Variants in CCDC148 observed in about 807,000 individuals in gnomAD.
CCDC148 encodes the protein coiled-coil domain containing 148.
Under a neutral mutation model 85.7 loss-of-function variants are expected in CCDC148, and 89 were observed. That is an observed-to-expected ratio of 1.04 (90% CI 0.87 to 1.24). The LOEUF (loss-of-function observed/expected upper bound fraction) is 1.24, where lower values mean the gene tolerates loss of function less well. Among genes scored for constraint, CCDC148 ranks in the 50% most tolerant of loss-of-function variants. CCDC148 has a pLI of 0.00. For synonymous variants in CCDC148, 230 were observed against 213.9 expected, an observed-to-expected ratio of 1.08 and a Z score of -0.66; for missense variants, 692 against 671.7, an observed-to-expected ratio of 1.03 and a Z score of -0.33.
At chr2:158,277,326 T>A (rs1030347619) in intron 9 of CCDC148, among the ~76,000 whole-genome samples, 11 of 152,194 alleles carry the variant, frequency 7.2e-5, no homozygotes, top group African/African-American at 2.7e-4. Flanking sequence ...TTGGCCTACA[T>A]TTCCTTGAGG....
chr2:158,271,646 T>A (rs1333188054), intron 9 of CCDC148, among the ~76,000 whole-genome samples: 2 of 152,192 alleles, frequency 1.3e-5, no homozygotes, highest in Non-Finnish European at 2.9e-5. Context: ...ATTGTCTTAT[T>A]ATTATTCTTG....
chr2:158,315,876 G>A (rs1332656390), intron 7 of CCDC148, among the ~76,000 whole-genome samples: 1 of 152,188 alleles, frequency 6.6e-6, no homozygotes, highest in Non-Finnish European at 1.5e-5. Flanking sequence ...CTCCAGAGAG[G>A]ATCAACTCTA....
chr2:158,307,777 G>A (rs747895129), intron 9 of CCDC148, among the ~76,000 whole-genome samples: 38 of 152,124 alleles, frequency 2.5e-4, no homozygotes, highest in Non-Finnish European at 4.7e-4. Flanking sequence ...AAGTACAAAG[G>A]ACTATATACT....
chr2:158,393,365 G>C (rs1342641310), intron 1 of CCDC148: 1 of 152,170 alleles, frequency 6.6e-6, no homozygotes, highest in Non-Finnish European at 1.5e-5. Context: ...GAGCACAAAA[G>C]GCAGATAGCC....
At chr2:158,441,244 TC>T (rs1459007255) in intron 1 of CCDC148, among the ~76,000 whole-genome samples, 3 of 152,124 alleles carry the variant, frequency 2.0e-5, no homozygotes, top group Admixed American at 6.6e-5. Context: ...TAGAGAGATT[TC>T]AACATCTCTT....
At chr2:158,451,521 T>C (rs1391278288) in intron 1 of CCDC148, among the ~76,000 whole-genome samples, 1 of 152,178 alleles carries the variant, frequency 6.6e-6, no homozygotes, top group East Asian at 1.9e-4. Flanking sequence ...ATTCCTAAAA[T>C]GTATAATAGA....
At chr2:158,318,023 T>C (rs1239224708) in intron 7 of CCDC148, among the ~76,000 whole-genome samples, 1 of 152,200 alleles carries the variant, frequency 6.6e-6, no homozygotes, top group Non-Finnish European at 1.5e-5. Flanking sequence ...TCTGGCTGCA[T>C]CGGGTCTGAC....
At chr2:158,403,177 A>AT (rs539306834) in intron 1 of CCDC148, among the ~76,000 whole-genome samples, 5 of 151,844 alleles carry the variant, frequency 3.3e-5, no homozygotes, top group Admixed American at 2.6e-4. Context: ...TACAACAAAT[A>AT]TTTTTTTCTT....
At position 158,355,941 on chromosome 2, in the gene CCDC148, C is replaced by G. The variant is rs1002111083; in HGVS notation, c.147+2508G>C. On this transcript the variant is annotated intron_variant, in intron 2 of 13. Transcript: ENST00000283233. The stretch of plus-strand genomic sequence containing the variant: ...AATAACGCCGCATATCTACAACTAT[C>G]TGATCTTTGACAAGCCTGAGAAAAA... 7.1e-3 allele frequency among the ~76,000 whole-genome samples: 952 copies of G among 134,166 alleles called. 89 individuals carry two copies. Among genetic ancestry groups the G allele is most frequent in the African/African-American group, 0.031 (901 of 29,538 alleles). 88.0% of individuals were successfully genotyped at this position (134,166 alleles called of 152,430 possible). A position where few individuals can be genotyped will look rare whatever the true frequency, so the allele number is the denominator to read the frequency against.
intron 9 of CCDC148, among the ~76,000 whole-genome samples, chr2:158,262,316 C>T (rs978302411): frequency 4.0e-5 from 6 of 151,846 alleles, no homozygotes; most frequent in South Asian, 4.2e-4. Context: ...GATGAGAACT[C>T]GTGAACACAA....
chr2:158,293,963 TCCCTCCCTCCCCCCCC>T lies in CCDC148; in HGVS notation c.1110+15454_1110+15469del, dbSNP rs150724176. On this transcript the variant is annotated intron_variant, in intron 9 of 13. Transcript: ENST00000283233. ...CTGCCTTCCTTCCCCTCTCCCTCCCTCCCTCCCTCCCCCCCCCCCTCCCTCCCTCCCTCCCTCCCTC... is the reference window on the plus strand; with the variant it reads ...CTGCCTTCCTTCCCCTCTCCCTCCCTCCCTCCCTCCCTCCCTCCCTCCCTC... Among the ~76,000 whole-genome samples the T allele has an allele frequency of 3.2e-3, 73 of 23,164 alleles. 4 individuals are homozygous for T. Among genetic ancestry groups the T allele is most frequent in the South Asian group, 9.9e-3 (3 of 304 alleles). The allele number at this position is 23,164 out of a possible 152,430, so 15.2% of individuals were successfully genotyped here.
intron 11 of CCDC148, among the ~76,000 whole-genome samples, chr2:158,189,380 C>T (rs1685311975): frequency 6.6e-6 from 1 of 151,822 alleles, no homozygotes; most frequent in Non-Finnish European, 1.5e-5. Context: ...GTCTTTTTGT[C>T]CTCTATAACA....
chr2:158,391,121 T>C (rs1240815608), intron 1 of CCDC148, among the ~76,000 whole-genome samples: 1 of 152,154 alleles, frequency 6.6e-6, no homozygotes, highest in East Asian at 1.9e-4. Flanking sequence ...GCTACAACAG[T>C]GAGTGAAAGG....
intron 1 of CCDC148, among the ~76,000 whole-genome samples, chr2:158,395,371 T>C (rs565664434): frequency 6.6e-6 from 1 of 152,220 alleles, no homozygotes; most frequent in East Asian, 1.9e-4. Flanking sequence ...TCCAGGGAAA[T>C]TCCTATTATC....
chr2:158,357,251 C>CA (rs754084816), intron 2 of CCDC148, among the ~76,000 whole-genome samples: 47 of 137,286 alleles, frequency 3.4e-4, no homozygotes, highest in Middle Eastern at 7.5e-3. Flanking sequence ...AAAAAGAAGA[C>CA]AAAAAAAAAT....
intron 1 of CCDC148, among the ~76,000 whole-genome samples, chr2:158,363,503 G>C (rs189856455): frequency 6.6e-6 from 1 of 152,158 alleles, no homozygotes; most frequent in East Asian, 1.9e-4. Flanking sequence ...TGCAAGTCTG[G>C]TTCAACATAC....
chr2:158,317,380 C>T (rs755868091), intron 7 of CCDC148, among the ~76,000 whole-genome samples: 9 of 152,096 alleles, frequency 5.9e-5, no homozygotes, highest in African/African-American at 1.4e-4. Flanking sequence ...GAATTTCAGC[C>T]TACAAAAGGT....
At chr2:158,227,879 T>C (rs1687635038) in intron 10 of CCDC148, among the ~76,000 whole-genome samples, 1 of 152,102 alleles carries the variant, frequency 6.6e-6, no homozygotes, top group Admixed American at 6.6e-5. Flanking sequence ...GGCAATACCA[T>C]TCAGGACATA....
At chr2:158,238,819 C>G (rs73966298) in intron 10 of CCDC148, among the ~76,000 whole-genome samples, 2 of 151,940 alleles carry the variant, frequency 1.3e-5, no homozygotes, top group African/African-American at 2.4e-5. Context: ...TAAAGCGACC[C>G]GAAAGTAAAT....
Sources: gnomAD v4.1 joint callset for allele counts (sites outside exome capture counted in the v4.1 genomes callset) on GRCh38, gnomAD v4.1.1 for gene constraint, MANE v1.5 for transcripts, NCBI Gene and HGNC (gene_info 2026-07-23, HGNC 2026-07-21) for gene names.